Variants in CAMK1D observed in about 807,000 individuals in gnomAD.
CAMK1D encodes the protein calcium/calmodulin-dependent protein kinase type 1D.
Under a neutral mutation model 47.7 loss-of-function variants are expected in CAMK1D, and 9 were observed. The observed-to-expected ratio is 0.19, with a 90% CI of 0.11 to 0.33. The LOEUF (loss-of-function observed/expected upper bound fraction) is 0.33. CAMK1D is among the 10% of genes least tolerant of loss of function. The pLI, the probability that CAMK1D is intolerant of heterozygous loss-of-function variation, is 1.00. For missense variants in CAMK1D, 291 were observed against 488.7 expected, an observed-to-expected ratio of 0.60 and a Z score of 3.81; for synonymous variants, 184 against 184.9, an observed-to-expected ratio of 0.99 and a Z score of 0.04.
At chr10:12,605,735 C>G (rs903685881) in intron 2 of CAMK1D, among the ~76,000 whole-genome samples, 2 of 152,234 alleles carry the variant, frequency 1.3e-5, no homozygotes, top group African/African-American at 4.8e-5. Flanking sequence ...CATTGCCCAG[C>G]TCTGCCTCAG....
intron 4 of CAMK1D, among the ~76,000 whole-genome samples, chr10:12,762,930 A>AC (rs1836575183): frequency 6.6e-6 from 1 of 152,260 alleles, no homozygotes; most frequent in South Asian, 2.1e-4. Flanking sequence ...TCGTGTGGTG[A>AC]CCACAGGGAT....
At chr10:12,569,378 A>C (rs1837243331) in intron 2 of CAMK1D, among the ~76,000 whole-genome samples, 1 of 152,146 alleles carries the variant, frequency 6.6e-6, no homozygotes, top group Non-Finnish European at 1.5e-5. Flanking sequence ...TACTCGGCAT[A>C]CAAGTCCAAT....
chr10:12,527,043 A>G (rs1375235764), intron 1 of CAMK1D, among the ~76,000 whole-genome samples: 1 of 151,914 alleles, frequency 6.6e-6, no homozygotes, highest in East Asian at 1.9e-4. Flanking sequence ...AATAAATCAA[A>G]TCTCCCTTAC....
chr10:12,613,448 CT>C (rs1838691026), intron 2 of CAMK1D, among the ~76,000 whole-genome samples: 2 of 152,236 alleles, frequency 1.3e-5, no homozygotes, highest in Non-Finnish European at 2.9e-5. Context: ...GCCTTGTAAA[CT>C]ACAAACTTTT....
At chr10:12,728,469 T>C (rs1025320109) in intron 3 of CAMK1D, among the ~76,000 whole-genome samples, 1 of 152,348 alleles carries the variant, frequency 6.6e-6, no homozygotes, top group African/African-American at 2.4e-5. Flanking sequence ...TAACCCGTTA[T>C]TGTGCACTGG....
chr10:12,804,937 CAAAA>C (rs145584740), intron 6 of CAMK1D, among the ~76,000 whole-genome samples: 3 of 51,054 alleles, frequency 5.9e-5, no homozygotes, highest in Non-Finnish European at 9.6e-5. Flanking sequence ...GACCCTGTCT[CAAAA>C]AAAAAAAAAA....
intron 2 of CAMK1D, among the ~76,000 whole-genome samples, chr10:12,569,967 C>T (rs576413744): frequency 1.3e-4 from 20 of 151,834 alleles, no homozygotes; most frequent in African/African-American, 2.4e-4. Context: ...TTTGGGAGGC[C>T]GAGGCAGGAG....
chr10:12,586,432 G>A (rs1404995847), intron 2 of CAMK1D, among the ~76,000 whole-genome samples: 3 of 121,798 alleles, frequency 2.5e-5, no homozygotes, highest in Non-Finnish European at 4.9e-5. Flanking sequence ...CTGGGCGACA[G>A]AGCAAGACTT....
At chr10:12,452,879 T>G (rs1420618172) in intron 1 of CAMK1D, among the ~76,000 whole-genome samples, 1 of 152,038 alleles carries the variant, frequency 6.6e-6, no homozygotes, top group Non-Finnish European at 1.5e-5. Context: ...TTTTGACTGT[T>G]TTTAAGAGTA....
chr10:12,586,911 G>T (rs1837835658), intron 2 of CAMK1D, among the ~76,000 whole-genome samples: 1 of 152,076 alleles, frequency 6.6e-6, no homozygotes, highest in Non-Finnish European at 1.5e-5. Context: ...GCCTGGGAGC[G>T]GCTTTGGAGA....
chr10:12,692,346 C>T (rs2130672473), intron 3 of CAMK1D, among the ~76,000 whole-genome samples: 1 of 152,254 alleles, frequency 6.6e-6, no homozygotes, highest in South Asian at 2.1e-4. Context: ...CATATACACA[C>T]TTTGGTATAT....
intron 2 of CAMK1D, among the ~76,000 whole-genome samples, chr10:12,616,401 G>A (rs1237581577): frequency 6.6e-6 from 1 of 152,176 alleles, no homozygotes; most frequent in African/African-American, 2.4e-5. Context: ...ACATGAACTA[G>A]CGCATTAAAT....
chr10:12,692,356 T>C, intron 3 of CAMK1D, among the ~76,000 whole-genome samples: 1 of 152,210 alleles, frequency 6.6e-6, no homozygotes, highest in African/African-American at 2.4e-5. Flanking sequence ...CTTTGGTATA[T>C]GTTAGGGAAA....
At chr10:12,798,883 T>C (rs982623076) in intron 6 of CAMK1D, among the ~76,000 whole-genome samples, 2 of 152,150 alleles carry the variant, frequency 1.3e-5, no homozygotes, top group African/African-American at 4.8e-5. Context: ...ATTATGGTTT[T>C]ATATATGTAT....
intron 2 of CAMK1D, among the ~76,000 whole-genome samples, chr10:12,575,337 C>T (rs773948405): frequency 2.6e-5 from 4 of 152,118 alleles, no homozygotes; most frequent in Non-Finnish European, 4.4e-5. Flanking sequence ...GTGATCCACC[C>T]GCCTTGGCCT....
intron 3 of CAMK1D, among the ~76,000 whole-genome samples, chr10:12,671,740 T>A (rs1840625603): frequency 6.6e-6 from 1 of 152,002 alleles, no homozygotes; most frequent in South Asian, 2.1e-4. Flanking sequence ...TATACAAATA[T>A]CTTACCAGAC....
rs71386106 is a variant in CAMK1D at position 12,627,078 on chromosome 10, ATTT to A, written c.225-39639_225-39637del. The stretch of plus-strand genomic sequence containing the variant: ...TTGTAATGACCTCTTATGGGCTATA[ATTT>A]TTTTTTTTTTTTTTTTTTGAGACAG... On this transcript the variant is annotated intron_variant, in intron 2 of 10. Transcript: ENST00000619168. 4.5e-3 allele frequency among the ~76,000 whole-genome samples: 471 copies of A among 104,400 alleles called. 4 individuals are homozygous for A. The highest frequency in any genetic ancestry group is 0.014 in the African/African-American group (414 of 29,698). The allele number at this position is 104,400 out of a possible 152,430, so 68.5% of individuals were successfully genotyped here.
intron 1 of CAMK1D, among the ~76,000 whole-genome samples, chr10:12,366,910 C>T (rs1378165325): frequency 6.6e-6 from 1 of 152,160 alleles, no homozygotes; most frequent in Non-Finnish European, 1.5e-5. Context: ...TTCGTGAGCA[C>T]AGTGGGTGTC....
intron 2 of CAMK1D, among the ~76,000 whole-genome samples, chr10:12,624,729 C>T (rs1359257053): frequency 6.6e-6 from 1 of 152,192 alleles, no homozygotes; most frequent in Non-Finnish European, 1.5e-5. Flanking sequence ...TAGAGAAATA[C>T]ATTTCATTTT....
Sources: gnomAD v4.1 joint callset for allele counts (sites outside exome capture counted in the v4.1 genomes callset) on GRCh38, gnomAD v4.1.1 for gene constraint, MANE v1.5 for transcripts, NCBI Gene and HGNC (gene_info 2026-07-23, HGNC 2026-07-21) for gene names.